CBLN2: variants seen among roughly 807,000 people sequenced by gnomAD.
The protein encoded by CBLN2 is cerebellin-2.
In CBLN2, 7 loss-of-function variants were observed where a neutral mutation model predicts 15.0. The observed-to-expected ratio is 0.47, with a 90% CI of 0.27 to 0.88. The LOEUF (loss-of-function observed/expected upper bound fraction) is 0.88, where lower values mean the gene tolerates loss of function less well. Ranked by LOEUF, CBLN2 falls within the 40% of genes least tolerant of loss-of-function variation. The pLI, the probability that CBLN2 is intolerant of heterozygous loss-of-function variation, is 0.14. For synonymous variants in CBLN2, 149 were observed against 135.2 expected, an observed-to-expected ratio of 1.10 and a Z score of -0.71; for missense variants, 242 against 304.5, an observed-to-expected ratio of 0.79 and a Z score of 1.53.
At chr18:72,554,664 A>G (rs1313843423) in intron 1 of CBLN2, among the ~76,000 whole-genome samples, 1 of 152,168 alleles carries the variant, frequency 6.6e-6, no homozygotes, top group African/African-American at 2.4e-5. Context: ...GCAAAGAAAA[A>G]AAAAACTAAA....
chr18:72,598,211 G>C (rs1183098818), intron 1 of CBLN2, among the ~76,000 whole-genome samples: 1 of 152,132 alleles, frequency 6.6e-6, no homozygotes, highest in Non-Finnish European at 1.5e-5. Context: ...GGTACTCCCT[G>C]GTTCTCACTG....
intron 1 of CBLN2, among the ~76,000 whole-genome samples, chr18:72,586,255 TC>T (rs2069442518): frequency 6.6e-6 from 1 of 152,208 alleles, no homozygotes; most frequent in African/African-American, 2.4e-5. Context: ...TATTGTTTCC[TC>T]TCTCCCTTTT....
intron 1 of CBLN2, among the ~76,000 whole-genome samples, chr18:72,554,599 C>G (rs1312802388): frequency 1.3e-5 from 2 of 149,816 alleles, no homozygotes; most frequent in Admixed American, 6.7e-5. Context: ...TAAAGTGGTT[C>G]ATATTAAATA....
intron 1 of CBLN2, among the ~76,000 whole-genome samples, chr18:72,607,157 A>G (rs2069588623): frequency 6.6e-6 from 1 of 152,166 alleles, no homozygotes; most frequent in Admixed American, 6.5e-5. Flanking sequence ...AGCAGGAGGA[A>G]GTTCTGAAAC....
chr18:72,540,776 T>C (rs1047877535), intron 3 of CBLN2, among the ~76,000 whole-genome samples: 1 of 152,196 alleles, frequency 6.6e-6, no homozygotes, highest in Non-Finnish European at 1.5e-5. Context: ...TGTAGGTTTA[T>C]GGTTATTAAG....
In CBLN2 at chr18:72,579,208, G is replaced by A. The variant is rs79288823; in HGVS notation, c.16-40436C>T. 7.4e-3 allele frequency among the ~76,000 whole-genome samples: 1,134 copies of A among 152,232 alleles called. 18 individuals carry two copies. Among genetic ancestry groups the A allele is most frequent in the East Asian group, 0.038 (195 of 5,174 alleles). ...GATAGTAAAATCTTCTCCAAAATTT[G>A]AAGTATAAATCACTCTGACATGAAT... On this transcript the variant is annotated intron_variant, in intron 1 of 2. Coordinates refer to the CBLN2 transcript ENST00000581073.
At chr18:72,619,838 G>A (rs553724952) in intron 1 of CBLN2, among the ~76,000 whole-genome samples, 1 of 152,178 alleles carries the variant, frequency 6.6e-6, no homozygotes, top group Non-Finnish European at 1.5e-5. Flanking sequence ...ACCCCTTAAT[G>A]GGATTTGTGA....
At position 72,553,276 on chromosome 18, in the gene CBLN2, C is replaced by T. The variant is rs561751266; in HGVS notation, c.16-14504G>A. 1.6e-4 allele frequency among the ~76,000 whole-genome samples: 24 copies of T among 152,218 alleles called. No homozygotes were observed. In the South Asian group the frequency reaches 4.1e-3, roughly 26 times the overall value. ...CCAAAGAGGACTTTGGGAAATACAA[C>T]GACAAGTGCACGTGTGGAGTGGGAA... On this transcript the variant is annotated intron_variant, in intron 1 of 2. Transcript: ENST00000581073.
rs551080109 is a variant in CBLN2, at chr18:72,543,607, C to A, written c.-211-77G>T. On this transcript the variant is annotated intron_variant, in intron 1 of 4. Transcript: ENST00000269503. The surrounding 1 kb of genome is among the most constrained non-coding windows in gnomAD (Gnocchi z 6.8). ...CGCGACCCTGCTCCCAGCGCGTGGC[C>A]AATAACCGCGCCGCCCCGCCCTGCC... 1 of 393,936 alleles carries A rather than the reference C, an allele frequency of 2.5e-6. No homozygotes were observed. Among genetic ancestry groups the A allele is most frequent in the South Asian group, 1.3e-4 (1 of 7,492 alleles). 24.4% of individuals were successfully genotyped at this position (393,936 alleles called of 1,614,324 possible).
At chr18:72,561,073 G>C (rs1017553724) in intron 1 of CBLN2, among the ~76,000 whole-genome samples, 1 of 151,114 alleles carries the variant, frequency 6.6e-6, no homozygotes, top group Admixed American at 6.6e-5. Context: ...TGTTGTGATA[G>C]GTGTAAGTGG....
intron 1 of CBLN2, among the ~76,000 whole-genome samples, chr18:72,567,655 C>G (rs997984458): frequency 6.6e-6 from 1 of 152,206 alleles, no homozygotes; most frequent in Non-Finnish European, 1.5e-5. Context: ...TCTCCAGCCT[C>G]TAAGATGAGT....
chr18:72,579,468 C>A (rs955116267), intron 1 of CBLN2, among the ~76,000 whole-genome samples: 2 of 151,978 alleles, frequency 1.3e-5, no homozygotes, highest in Non-Finnish European at 2.9e-5. Flanking sequence ...CTAGTAATAC[C>A]ACGCCTGTAA....
chr18:72,577,309 TA>T (rs1033428706), intron 1 of CBLN2, among the ~76,000 whole-genome samples: 6 of 152,098 alleles, frequency 3.9e-5, no homozygotes, highest in African/African-American at 2.4e-5. Flanking sequence ...GTTTTATAAT[TA>T]TTTTTTAAAA....
chr18:72,559,516 A>G (rs565697988), intron 1 of CBLN2, among the ~76,000 whole-genome samples: 24 of 152,342 alleles, frequency 1.6e-4, no homozygotes, highest in African/African-American at 5.5e-4. Context: ...CTTATTATCA[A>G]ATATTTATAT....
At chr18:72,577,129 A>C (rs974815211) in intron 1 of CBLN2, among the ~76,000 whole-genome samples, 1 of 149,986 alleles carries the variant, frequency 6.7e-6, no homozygotes, top group African/African-American at 2.4e-5. Flanking sequence ...TGGCCATAGA[A>C]ATGTTTGCAA....
At chr18:72,590,850 A>G (rs917440333) in intron 1 of CBLN2, among the ~76,000 whole-genome samples, 7 of 152,234 alleles carry the variant, frequency 4.6e-5, no homozygotes, top group Non-Finnish European at 1.0e-4. Flanking sequence ...TGAAATAAAT[A>G]CTAAATGAAA....
intron 1 of CBLN2, among the ~76,000 whole-genome samples, chr18:72,552,857 T>G (rs1188424684): frequency 6.6e-6 from 1 of 152,106 alleles, no homozygotes; most frequent in Non-Finnish European, 1.5e-5. Flanking sequence ...CTTTGGGAAA[T>G]AGTAGGAGAA....
chr18:72,634,450 T>C (rs1480423904), intron 1 of CBLN2, among the ~76,000 whole-genome samples: 1 of 152,100 alleles, frequency 6.6e-6, no homozygotes, highest in Non-Finnish European at 1.5e-5. Context: ...TTGGCCTAGA[T>C]AAATTGGATA....
At chr18:72,580,110 T>C (rs1599008782) in intron 1 of CBLN2, among the ~76,000 whole-genome samples, 3 of 145,732 alleles carry the variant, frequency 2.1e-5, no homozygotes, top group African/African-American at 7.4e-5. Flanking sequence ...TATATATATA[T>C]ACAAGAAAAA....
Sources: gnomAD v4.1 joint callset for allele counts (sites outside exome capture counted in the v4.1 genomes callset) on GRCh38, gnomAD v4.1.1 for gene constraint, Gnocchi (gnomAD v3.1) non-coding constraint, MANE v1.5 for transcripts, NCBI Gene and HGNC (gene_info 2026-07-23, HGNC 2026-07-21) for gene names.